The following NDUFA10 variants were observed in gnomAD, a reference collection of about 807,000 sequenced individuals.
NDUFA10 encodes the protein NADH dehydrogenase [ubiquinone] 1 alpha subcomplex subunit 10, mitochondrial.
Under a neutral mutation model 47.8 loss-of-function variants are expected in NDUFA10, and 40 were observed. That is an observed-to-expected ratio of 0.84 (90% CI 0.65 to 1.09). The LOEUF (loss-of-function observed/expected upper bound fraction) is 1.09, where lower values mean the gene tolerates loss of function less well. NDUFA10 is among the 50% of genes least tolerant of loss of function. NDUFA10 has a pLI of 0.00. For synonymous variants in NDUFA10, 183 were observed against 172.2 expected, an observed-to-expected ratio of 1.06 and a Z score of -0.49; for missense variants, 413 against 451.1, an observed-to-expected ratio of 0.92 and a Z score of 0.76.
chr2:240,014,994 C>T lies in NDUFA10; in HGVS notation c.548-134G>A, dbSNP rs537404824. Reference sequence around the variant, plus strand: ...ACGTACCAATCTACAAACCCTATCTCGGTCACAGTTCTAAGCACTGACCAC... The same window carrying T: ...ACGTACCAATCTACAAACCCTATCTTGGTCACAGTTCTAAGCACTGACCAC... On this transcript the variant is annotated intron_variant, in intron 4 of 9. Transcript: ENST00000252711. The T allele has an allele frequency of 2.0e-4, 270 of 1,324,140 alleles. 1 individual carries two copies. Among genetic ancestry groups the T allele is most frequent in the South Asian group, 1.2e-3 (92 of 78,654 alleles). 82.0% of individuals were successfully genotyped at this position (1,324,140 alleles called of 1,614,324 possible). A position where few individuals can be genotyped will look rare whatever the true frequency, so the allele number is the denominator to read the frequency against.
At position 240,017,960 on chromosome 2, in the gene NDUFA10, G is replaced by A. The variant is rs377114253; in HGVS notation, c.547+593C>T. 86 of 1,415,506 alleles carry A rather than the reference G, an allele frequency of 6.1e-5. 1 individual carries two copies. The highest frequency in any genetic ancestry group is 3.9e-4 in the South Asian group (32 of 81,426). The allele number at this position is 1,415,506 out of a possible 1,614,324, so 87.7% of individuals were successfully genotyped here. On this transcript the variant is annotated intron_variant, in intron 4 of 9. Transcript: ENST00000252711. ...GTCCACCAGGCCTATTCAACCCACC[G>A]CCCAACACAGTCCTAGTCACAGACA...
In NDUFA10 at chr2:239,959,203, CAG is replaced by C. The variant is rs1010330512; in HGVS notation, c.*1913_*1914del. 20 of 709,500 alleles carry C rather than the reference CAG, an allele frequency of 2.8e-5. No individual in the cohort carries two copies. The South Asian group carries it at 2.9e-4, about 10-fold the overall frequency. 44.0% of individuals were successfully genotyped at this position (709,500 alleles called of 1,614,324 possible). ...AACCACACAGGGTCAGACGCAAACA[CAG>C]GGGATGATCAGAGCACCCGAGTCCA... On this transcript the variant is annotated 3_prime_UTR_variant, in exon 10 of 10. Transcript: ENST00000252711.
At chr2:239,988,612 C>T (rs1164135850) in intron 9 of NDUFA10, among the ~76,000 whole-genome samples, 1 of 152,174 alleles carries the variant, frequency 6.6e-6, no homozygotes, top group Non-Finnish European at 1.5e-5. Flanking sequence ...ATGATGGCAG[C>T]CTGGAGGTCA....
chr2:240,022,220 T>C lies in NDUFA10; in HGVS notation c.196A>G (p.Ile66Val). ...GCAAGTTTGCCTTTTCCAGTACATA[T>C]ATTGCCATCTACAGTTATCACTCTG... is the stretch of plus-strand genomic sequence containing the variant. ...RSRVITVDGN[I>V]CTGKGKLAKE... Residue 66 changes from isoleucine (I) to valine (V), a missense_variant, in exon 2 of 10, where the codon ATA (isoleucine) becomes GTA (valine). Transcript: ENST00000252711. 1 of 1,614,176 alleles carries C rather than the reference T, an allele frequency of 6.2e-7. No homozygotes were observed. Among genetic ancestry groups the C allele is most frequent in the Non-Finnish European group, 8.5e-7 (1 of 1,180,018 alleles).
intron 8 of NDUFA10, among the ~76,000 whole-genome samples, chr2:240,002,083 A>T (rs1696742867): frequency 6.6e-6 from 1 of 152,150 alleles, no homozygotes; most frequent in African/African-American, 2.4e-5. Flanking sequence ...TAATCCCAGC[A>T]CTTCTGGAGG....
At chr2:239,977,300 C>A (rs1478108473) in intron 9 of NDUFA10, among the ~76,000 whole-genome samples, 1 of 152,176 alleles carries the variant, frequency 6.6e-6, no homozygotes, top group Non-Finnish European at 1.5e-5. Context: ...TCCGGAGCCC[C>A]ATGAGCTGCC....
chr2:239,897,883 G>C (rs1210704301), intron 4 of NDUFA10, among the ~76,000 whole-genome samples: 1 of 152,158 alleles, frequency 6.6e-6, no homozygotes, highest in African/African-American at 2.4e-5. Context: ...AGAAGCACGC[G>C]CATCCCCTGG....
At chr2:239,997,481 A>G (rs1020048266) in intron 8 of NDUFA10, among the ~76,000 whole-genome samples, 1 of 152,234 alleles carries the variant, frequency 6.6e-6, no homozygotes, top group African/African-American at 2.4e-5. Flanking sequence ...TATATTCTTT[A>G]TAGGGAAATT....
intron 8 of NDUFA10, among the ~76,000 whole-genome samples, chr2:240,001,495 A>G (rs1379153011): frequency 1.3e-5 from 2 of 152,208 alleles, no homozygotes; most frequent in Non-Finnish European, 2.9e-5. Context: ...TTCCTGCTTT[A>G]CAACAAGGAG....
intron 9 of NDUFA10, among the ~76,000 whole-genome samples, chr2:239,968,019 T>C (rs1695150738): frequency 9.0e-6 from 1 of 110,714 alleles, no homozygotes; most frequent in East Asian, 3.1e-4. Context: ...CAGTCACTCA[T>C]TCTAATGGAG....
intron 4 of NDUFA10, among the ~76,000 whole-genome samples, chr2:239,909,900 T>G (rs1410118145): frequency 6.9e-6 from 1 of 144,700 alleles, no homozygotes; most frequent in East Asian, 2.0e-4. Flanking sequence ...TAAACAAATA[T>G]GCAAGAAGAA....
At chr2:239,991,365 G>C (rs538586910) in intron 8 of NDUFA10, among the ~76,000 whole-genome samples, 24 of 152,280 alleles carry the variant, frequency 1.6e-4, no homozygotes, top group Admixed American at 1.5e-3. Context: ...AACAATGATC[G>C]TTTGCTTTCC....
At chr2:239,962,647 G>T (rs1048033031) in intron 9 of NDUFA10, among the ~76,000 whole-genome samples, 4 of 152,170 alleles carry the variant, frequency 2.6e-5, no homozygotes, top group African/African-American at 9.7e-5. Flanking sequence ...ACATACCCGG[G>T]GCTGAGAAAT....
At chr2:239,915,244 TAC>T (rs144508151) in intron 4 of NDUFA10, among the ~76,000 whole-genome samples, 26 of 121,014 alleles carry the variant, frequency 2.1e-4, no homozygotes, top group African/African-American at 8.9e-4. Context: ...TACACAAACA[TAC>T]ACACACAACA....
intron 9 of NDUFA10, among the ~76,000 whole-genome samples, chr2:239,963,686 G>A (rs1329102497): frequency 1.3e-5 from 2 of 152,230 alleles, no homozygotes; most frequent in African/African-American, 2.4e-5. Flanking sequence ...CCCGTGGGCA[G>A]TTGGAAACCT....
chr2:239,984,194 T>C (rs1028353414), intron 9 of NDUFA10, among the ~76,000 whole-genome samples: 5 of 151,544 alleles, frequency 3.3e-5, no homozygotes, highest in Admixed American at 1.3e-4. Context: ...GATCATGCCA[T>C]TGCACTCCAG....
chr2:239,926,369 C>T (rs979058269), intron 4 of NDUFA10, among the ~76,000 whole-genome samples: 3 of 152,106 alleles, frequency 2.0e-5, no homozygotes, highest in African/African-American at 7.2e-5. Flanking sequence ...TACAGTGGTC[C>T]CATGAGACTA....
At chr2:239,963,043 C>T (rs1188745532) in intron 9 of NDUFA10, among the ~76,000 whole-genome samples, 1 of 152,122 alleles carries the variant, frequency 6.6e-6, no homozygotes, top group Non-Finnish European at 1.5e-5. Flanking sequence ...CAATGCCCAT[C>T]TAAAGGCGGG....
At chr2:239,981,928 G>A (rs73007461) in intron 9 of NDUFA10, among the ~76,000 whole-genome samples, 5 of 151,556 alleles carry the variant, frequency 3.3e-5, no homozygotes, top group Non-Finnish European at 5.9e-5. Context: ...CCCAGAAAGC[G>A]AGAAATTGCC....
Sources: allele counts gnomAD v4.1 joint callset (sites outside exome capture counted in the v4.1 genomes callset), GRCh38; gene constraint gnomAD v4.1.1; transcripts MANE v1.5; gene names NCBI Gene and HGNC (gene_info 2026-07-23, HGNC 2026-07-21).